DGKA: variants seen among roughly 807,000 people sequenced by gnomAD.
DGKA encodes diacylglycerol kinase alpha.
Under a neutral mutation model 105.0 loss-of-function variants are expected in DGKA, and 35 were observed. The ratio of observed to expected loss-of-function variants is 0.33; its 90% CI spans 0.25 to 0.44. The LOEUF is 0.44. Ranked by LOEUF, DGKA falls within the 20% of genes least tolerant of loss-of-function variation. The pLI is 1.00. For missense variants in DGKA, 665 were observed against 915.0 expected (o/e 0.73, Z 3.53); for synonymous variants, 296 against 332.0 (o/e 0.89, Z 1.18).
At chr12:55,950,201 C>T (rs1887879225) in intron 17 of DGKA, among the ~76,000 whole-genome samples, 1 of 151,958 alleles carries the variant, frequency 6.6e-6, no homozygotes. Context: ...TCTGAAACTC[C>T]TGACCTGGTG....
At chr12:55,939,944 G>T in intron 9 of DGKA, 138 bp from the exon 10 acceptor site, 2 of 744,542 alleles carry the variant, frequency 2.7e-6, no homozygotes, top group Non-Finnish European at 2.3e-6. Context: ...TTTTGGAGGT[G>T]GGCACTTCAC....
At chr12:55,946,730 A>G (rs1467220345) in intron 17 of DGKA, among the ~76,000 whole-genome samples, 1 of 152,226 alleles carries the variant, frequency 6.6e-6, no homozygotes, top group Non-Finnish European at 1.5e-5. Flanking sequence ...CAAAGACTAA[A>G]AAGGAATAGT....
intron 17 of DGKA, 104 bp from the exon 18 acceptor site, chr12:55,951,519 T>C: frequency 7.8e-7 from 1 of 1,276,776 alleles, no homozygotes; most frequent in South Asian, 1.4e-5. Flanking sequence ...GGAGGCTCTG[T>C]AGAAACAGGG....
chr12:55,941,884 C>A, intron 15 of DGKA, 114 bp from the exon 16 acceptor site: 2 of 1,145,944 alleles, frequency 1.7e-6, no homozygotes, highest in Non-Finnish European at 2.6e-6. Context: ...AGTCTTTTGA[C>A]AAAAAGGAGG....
In DGKA at chr12:55,939,529, C is replaced by T; in HGVS notation, c.709C>T (p.Leu237Phe). Residue 237 changes from leucine (L) to phenylalanine (F), a missense_variant and splice_region_variant, in exon 9 of 24, where the codon CTC (leucine) becomes TTC (phenylalanine). By Grantham distance (22) the Leu-to-Phe change is conservative (BLOSUM62 0). This residue lies in a region of DGKA where 504 missense variants were observed against 681.2 expected (regional missense o/e 0.74). Transcript: ENST00000331886. ...TGGCAAACAGGGACTGAGCTGTAAC[C>T]GTGAGTAATGGGAGCTGGGAGGTAG... ...GLGKQGLSCNLCKYTVHDQCA... is the reference protein window; with the variant it reads ...GLGKQGLSCNFCKYTVHDQCA... 2 of 1,613,938 alleles carry T rather than the reference C, an allele frequency of 1.2e-6. No homozygotes were observed. Among genetic ancestry groups the T allele is most frequent in the East Asian group, 2.2e-5 (1 of 44,886 alleles).
chr12:55,936,794 C>G, intron 2 of DGKA: 1 of 815,994 alleles, frequency 1.2e-6, no homozygotes, highest in East Asian at 2.5e-5. Context: ...TCTCGGCTCT[C>G]TACCCACCTT....
Position 55,932,386 on chromosome 12 carries a change from C to G in DGKA, c.-82+1042C>G. The stretch of plus-strand genomic sequence containing the variant: ...TTCGGAGGGATGGTGAAGCCCGGTT[C>G]CTGGGACCCGACTCGGAGGGAAGTC... On this transcript the variant is annotated intron_variant, in intron 1 of 23. Transcript: ENST00000331886. The surrounding 1 kb of genome is among the most constrained non-coding windows in gnomAD (Gnocchi z 4.3). 1.7e-6 allele frequency: 1 copy of G among 605,668 alleles called. No individual in the cohort carries two copies. Among genetic ancestry groups the G allele is most frequent in the South Asian group, 1.9e-5 (1 of 53,014 alleles). The allele number at this position is 605,668 out of a possible 1,614,324, so 37.5% of individuals were successfully genotyped here.
intron 17 of DGKA, 96 bp downstream of exon 17, chr12:55,942,359 G>C (rs548299582): frequency 1.7e-6 from 2 of 1,177,824 alleles, no homozygotes; most frequent in Non-Finnish European, 1.3e-6. Context: ...GTATGGAAAG[G>C]ATTGGGGAAG....
intron 17 of DGKA, among the ~76,000 whole-genome samples, chr12:55,945,910 C>T (rs896401758): frequency 6.6e-6 from 1 of 151,900 alleles, no homozygotes; most frequent in South Asian, 2.1e-4. Flanking sequence ...ATGTCTCAAC[C>T]TCCCAGGTAG....
intron 1 of DGKA, among the ~76,000 whole-genome samples, chr12:55,934,054 C>T (rs184434208): frequency 2.6e-5 from 4 of 152,276 alleles, no homozygotes; most frequent in Admixed American, 2.6e-4. Context: ...GGATTCTGAT[C>T]CTTGCCTGTC....
At chr12:55,951,981 A>G in intron 18 of DGKA, 54 bp from the exon 19 acceptor site, 2 of 1,599,208 alleles carry the variant, frequency 1.3e-6, no homozygotes. Context: ...AAGAGGGGAG[A>G]CCGGGAGGGA....
chr12:55,931,138 A>G (rs1316374511), upstream of DGKA: 2 of 152,172 alleles, frequency 1.3e-5, no homozygotes, highest in Non-Finnish European at 2.9e-5. Flanking sequence ...GGGCGGGGCC[A>G]GTGAGCAGGA....
chr12:55,951,078 A>G (rs1029347523), intron 17 of DGKA, among the ~76,000 whole-genome samples: 2 of 152,132 alleles, frequency 1.3e-5, no homozygotes, highest in Non-Finnish European at 2.9e-5. Context: ...GTAGTTTTTC[A>G]TGCTGCTCCT....
chr12:55,938,217 A>G (rs1885157337), intron 5 of DGKA, 165 bp downstream of exon 5: 2 of 700,022 alleles, frequency 2.9e-6, no homozygotes, highest in Non-Finnish European at 4.8e-6. Context: ...GACTATTTAT[A>G]CCTAATACCC....
intron 17 of DGKA, among the ~76,000 whole-genome samples, chr12:55,946,641 G>A (rs1285676490): frequency 1.3e-5 from 2 of 152,336 alleles, no homozygotes; most frequent in East Asian, 3.9e-4. Flanking sequence ...ACAGGCGTGA[G>A]CCACCTCACC....
At chr12:55,935,637 T>C (rs1884485056) in intron 1 of DGKA, 2 of 152,260 alleles carry the variant, frequency 1.3e-5, no homozygotes, top group Admixed American at 6.6e-5. Flanking sequence ...GCCAGATGGG[T>C]AGAGTCCTTT....
At position 55,951,983 on chromosome 12, in the gene DGKA, C is replaced by T. The variant is rs117238398; in HGVS notation, c.1588-52C>T. The T allele has an allele frequency of 7.2e-3, 11,501 of 1,602,526 alleles. 53 individuals are homozygous for T. Among genetic ancestry groups the T allele is most frequent in the Non-Finnish European group, 8.0e-3 (9,418 of 1,170,538 alleles). On this transcript the variant is annotated intron_variant, in intron 18 of 23. Coordinates refer to ENST00000331886, the MANE Select transcript of DGKA (RefSeq NM_001345.5). The stretch of plus-strand genomic sequence containing the variant: ...TGGGGACTTGGGAAAGAGGGGAGAC[C>T]GGGAGGGAGAGATTGAGCTCTGTAC...
Position 55,937,456 on chromosome 12 carries a change from G to A in DGKA, c.187G>A (p.Val63Met), listed in dbSNP as rs756251868. 1.9e-6 allele frequency: 3 copies of A among 1,614,070 alleles called. No homozygotes were observed. Among genetic ancestry groups the A allele is most frequent in the Non-Finnish European group, 2.5e-6 (3 of 1,180,040 alleles). ...GCAATTCCTGAAAATCTATCTCGAA[G>A]TGGATAATGTTCCCAGACACCTAAG... ...FQQFLKIYLE[V>M]DNVPRHLSLA... The change falls in exon 4 of 24, where the codon GTG (valine) becomes ATG (methionine). Residue 63 changes from valine to methionine, a missense_variant. This residue lies in a region of DGKA where 504 missense variants were observed against 681.2 expected (regional missense o/e 0.74). Coordinates refer to ENST00000331886, the MANE Select transcript of DGKA (RefSeq NM_001345.5).
In DGKA at chr12:55,941,564, A is replaced by C; in HGVS notation, c.1230A>C (p.Leu410=). 6.2e-7 allele frequency: 1 copy of C among 1,614,138 alleles called. No homozygotes were observed. The highest frequency in any genetic ancestry group is 8.5e-7 in the Non-Finnish European group (1 of 1,180,014). ...ACCCTCGACAGGTGTTCAACCTCCT[A>C]AAGGATGGTCCTGAGATAGGGTGAG... is the stretch of plus-strand genomic sequence containing the variant. ...ILNPRQVFNL[L]KDGPEIGLRL... Residue 410 remains leucine, a synonymous_variant, in exon 15 of 24, where the codon CTA becomes CTC. Coordinates refer to ENST00000331886, the MANE Select transcript of DGKA (RefSeq NM_001345.5).
Sources: allele counts gnomAD v4.1 joint callset (sites outside exome capture counted in the v4.1 genomes callset), GRCh38; gene constraint gnomAD v4.1.1; regional missense constraint gnomAD v4.1.1; non-coding constraint Gnocchi (gnomAD v3.1); transcripts MANE v1.5; gene names NCBI Gene and HGNC (gene_info 2026-07-23, HGNC 2026-07-21).